The following PTPRD variants were observed in gnomAD, a reference collection of about 807,000 sequenced individuals.
PTPRD encodes the protein protein tyrosine phosphatase receptor type D.
A neutral mutation model predicts 214.5 loss-of-function variants in PTPRD; 34 were observed. The observed-to-expected ratio is 0.16, with a 90% CI of 0.12 to 0.21. The LOEUF (loss-of-function observed/expected upper bound fraction) is 0.21. PTPRD is among the 10% of genes least tolerant of loss of function. The probability of loss-of-function intolerance (pLI) is 1.00; values close to 1 mark genes in which losing one functional copy is unlikely to be tolerated. For synonymous variants in PTPRD, 1,128 were observed against 845.7 expected (o/e 1.33, Z -5.79); for missense variants, 2,545 against 2,398.7 (o/e 1.06, Z -1.27).
At chr9:9,429,865 A>G (rs1232485775) in intron 8 of PTPRD, among the ~76,000 whole-genome samples, 3 of 152,204 alleles carry the variant, frequency 2.0e-5, no homozygotes, top group Non-Finnish European at 4.4e-5. Context: ...TTCATGCTAA[A>G]AACTCTCAAT....
chr9:10,486,469 T>A (rs2099133618), intron 2 of PTPRD, among the ~76,000 whole-genome samples: 1 of 152,194 alleles, frequency 6.6e-6, no homozygotes, highest in South Asian at 2.1e-4. Context: ...TTGGGCAGGT[T>A]TGTCAAAGAT....
At chr9:9,831,429 A>G (rs979969015) in intron 5 of PTPRD, among the ~76,000 whole-genome samples, 1 of 152,010 alleles carries the variant, frequency 6.6e-6, no homozygotes, top group Non-Finnish European at 1.5e-5. Context: ...ATGAGTTTGG[A>G]AAGAGTTATA....
intron 14 of PTPRD, among the ~76,000 whole-genome samples, chr9:8,536,717 A>G (rs2077038184): frequency 1.3e-5 from 2 of 152,142 alleles, no homozygotes; most frequent in South Asian, 4.1e-4. Context: ...GCAGGCACCA[A>G]AAGTCAGTAC....
intron 35 of PTPRD, among the ~76,000 whole-genome samples, chr9:8,414,953 GAGAGAGA>G (rs2093812378): frequency 1.3e-5 from 2 of 148,886 alleles, no homozygotes; most frequent in African/African-American, 2.5e-5. Flanking sequence ...GAGAGAGAGA[GAGAGAGA>G]GAGAGAGAGA....
chr9:8,553,058 C>T (rs2082591658), intron 14 of PTPRD, among the ~76,000 whole-genome samples: 1 of 152,102 alleles, frequency 6.6e-6, no homozygotes, highest in Non-Finnish European at 1.5e-5. Context: ...AGAATAACTG[C>T]CCAGCTGAAC....
intron 11 of PTPRD, among the ~76,000 whole-genome samples, chr9:8,817,071 C>T (rs574975893): frequency 3.3e-5 from 5 of 152,284 alleles, no homozygotes; most frequent in African/African-American, 4.8e-5. Context: ...ATTTTTCCTT[C>T]GGTATAGCAT....
chr9:8,675,157 T>G (rs2097374657), intron 12 of PTPRD, among the ~76,000 whole-genome samples: 1 of 152,048 alleles, frequency 6.6e-6, no homozygotes. Context: ...TTTACATGCT[T>G]GAGATCCGCA....
chr9:9,020,063 G>A (rs983081894), intron 10 of PTPRD, among the ~76,000 whole-genome samples: 23 of 151,842 alleles, frequency 1.5e-4, no homozygotes, highest in Non-Finnish European at 4.4e-5. Context: ...AGAAGAGGGA[G>A]GTATTAAAAG....
intron 3 of PTPRD, among the ~76,000 whole-genome samples, chr9:10,180,000 A>T (rs991867019): frequency 6.6e-6 from 1 of 152,140 alleles, no homozygotes; most frequent in Non-Finnish European, 1.5e-5. Flanking sequence ...ATATGACAAC[A>T]TATGATAGCA....
chr9:9,079,394 T>C (rs183304612), intron 10 of PTPRD, among the ~76,000 whole-genome samples: 1 of 152,260 alleles, frequency 6.6e-6, no homozygotes, highest in Non-Finnish European at 1.5e-5. Context: ...TTCATTTTTA[T>C]GGCTGAATAA....
chr9:9,890,002 T>A (rs1427422942), intron 5 of PTPRD, among the ~76,000 whole-genome samples: 1 of 152,056 alleles, frequency 6.6e-6, no homozygotes, highest in Non-Finnish European at 1.5e-5. Flanking sequence ...CTTCATCCAG[T>A]AAGCCATGAA....
chr9:9,945,010 T>C (rs758013708), intron 4 of PTPRD, among the ~76,000 whole-genome samples: 2 of 151,356 alleles, frequency 1.3e-5, no homozygotes, highest in South Asian at 2.1e-4. Flanking sequence ...TGTTGAGAGG[T>C]AGCTAGAATA....
rs562375764 is a variant in PTPRD, at chr9:8,903,826, A to C, written c.-104+114871T>G. On this transcript the variant is annotated intron_variant, in intron 11 of 45. Transcript: ENST00000381196. ...CAATATCCTACAAGTGAATTGCATA[A>C]AGTTCATGGTAATAATGGTTGACTT... 3.8e-4 allele frequency among the ~76,000 whole-genome samples: 56 copies of C among 147,170 alleles called. No homozygotes were observed. In the South Asian group the frequency reaches 0.011, roughly 30 times the overall value.
chr9:8,656,214 G>T (rs557247447), intron 12 of PTPRD, among the ~76,000 whole-genome samples: 1 of 152,126 alleles, frequency 6.6e-6, no homozygotes, highest in South Asian at 2.1e-4. Flanking sequence ...TAAGGCCTGG[G>T]AATTTGTGTC....
intron 33 of PTPRD, chr9:8,451,784 A>G (rs1564907784): frequency 7.3e-6 from 3 of 412,892 alleles, no homozygotes; most frequent in South Asian, 3.7e-5. Flanking sequence ...GTCAGGCCCA[A>G]CGACTAAAAT....
At chr9:9,037,707 G>A (rs1590237666) in intron 10 of PTPRD, among the ~76,000 whole-genome samples, 1 of 152,118 alleles carries the variant, frequency 6.6e-6, no homozygotes, top group East Asian at 1.9e-4. Context: ...AAGGTGTCCA[G>A]CAAAAATGGC....
intron 3 of PTPRD, among the ~76,000 whole-genome samples, chr9:10,141,815 C>T (rs1036705682): frequency 8.5e-5 from 13 of 152,214 alleles, no homozygotes; most frequent in South Asian, 8.3e-4. Context: ...GCCAAAAGAA[C>T]AAAGCTGGAG....
chr9:9,020,452 T>C (rs1478839784), intron 10 of PTPRD, among the ~76,000 whole-genome samples: 2 of 152,086 alleles, frequency 1.3e-5, no homozygotes, highest in Non-Finnish European at 2.9e-5. Context: ...AGATGCTGGA[T>C]TGATTCATGA....
At chr9:8,894,670 G>T (rs1385712096) in intron 11 of PTPRD, among the ~76,000 whole-genome samples, 1 of 152,160 alleles carries the variant, frequency 6.6e-6, no homozygotes, top group Non-Finnish European at 1.5e-5. Context: ...TTAGTAAACT[G>T]AACGTATGCT....
Sources: gnomAD v4.1 joint callset for allele counts (sites outside exome capture counted in the v4.1 genomes callset) on GRCh38, gnomAD v4.1.1 for gene constraint, MANE v1.5 for transcripts, NCBI Gene and HGNC (gene_info 2026-07-23, HGNC 2026-07-21) for gene names.